The following NACC2 variants were observed in gnomAD, a reference collection of about 807,000 sequenced individuals.
NACC2 encodes the protein NACC family member 2.
In NACC2, 8 loss-of-function variants were observed where a neutral mutation model predicts 25.1. That is an observed-to-expected ratio of 0.32 (90% CI 0.19 to 0.57). The LOEUF (loss-of-function observed/expected upper bound fraction) is 0.57, where lower values mean the gene tolerates loss of function less well. NACC2 is among the 20% of genes least tolerant of loss of function. The pLI is 0.89. For missense variants in NACC2, 644 were observed against 650.2 expected (o/e 0.99, Z 0.10); for synonymous variants, 435 against 294.7 (o/e 1.48, Z -4.88).
chr9:136,050,245 T>C lies in NACC2; in HGVS notation c.277A>G (p.Thr93Ala), dbSNP rs1840800688. 1 of 771,196 alleles carries C rather than the reference T, an allele frequency of 1.3e-6. No homozygotes were observed. 47.8% of individuals were successfully genotyped at this position (771,196 alleles called of 1,614,324 possible). The change falls in exon 2 of 6, where the codon ACG (threonine) becomes GCG (alanine). Residue 93 changes from threonine to alanine, a missense_variant. By Grantham distance (58) the Thr-to-Ala change is moderately conservative. Coordinates refer to ENST00000277554, the MANE Select transcript of NACC2 (RefSeq NM_144653.5). Reference sequence around the variant, plus strand: ...ATGACCACGAGCTGCTCGCTGGCCGTCATGGTGAGCCTGCCCGTGTAGCAG... The same window carrying C: ...ATGACCACGAGCTGCTCGCTGGCCGCCATGGTGAGCCTGCCCGTGTAGCAG... Reference protein sequence around the residue: ...SFCYTGRLTMTASEQLVVMYT... With the variant: ...SFCYTGRLTMAASEQLVVMYT...
chr9:136,045,010 T>C (rs1840699522), intron 2 of NACC2, among the ~76,000 whole-genome samples: 1 of 152,182 alleles, frequency 6.6e-6, no homozygotes, highest in Admixed American at 6.5e-5. Context: ...AGGACAGATG[T>C]GCTGCTGTGT....
chr9:136,081,949 G>T (rs1215939478), intron 1 of NACC2, among the ~76,000 whole-genome samples: 5 of 151,938 alleles, frequency 3.3e-5, no homozygotes, highest in Non-Finnish European at 5.9e-5. Flanking sequence ...CAGGGCTCCT[G>T]CAGAACTCAG....
Position 136,011,378 on chromosome 9 carries a change from C to T in NACC2, c.*138G>A. On this transcript the variant is annotated 3_prime_UTR_variant, in exon 6 of 6. Coordinates refer to ENST00000277554, the MANE Select transcript of NACC2 (RefSeq NM_144653.5). ...TTGTTTCCTTCATCAATTTTAAATA[C>T]AAGCAGAATAAAAATCACATTTTTC... The T allele has an allele frequency of 1.0e-6, 1 of 987,350 alleles. No individual in the cohort carries two copies. The highest frequency in any genetic ancestry group is 4.0e-5 in the South Asian group (1 of 25,042). The allele number at this position is 987,350 out of a possible 1,614,324, so 61.2% of individuals were successfully genotyped here.
chr9:136,070,999 G>A (rs1482219487), intron 1 of NACC2, among the ~76,000 whole-genome samples: 2 of 151,710 alleles, frequency 1.3e-5, no homozygotes, highest in Non-Finnish European at 2.9e-5. Flanking sequence ...GGAGGCTGAG[G>A]TAGGCGGATC....
chr9:136,094,629 G>T (rs1027600415), intron 1 of NACC2, among the ~76,000 whole-genome samples: 5 of 152,138 alleles, frequency 3.3e-5, no homozygotes, highest in East Asian at 1.9e-4. Flanking sequence ...GGGCCCGAGT[G>T]GGGGAGGCGC....
intron 2 of NACC2, among the ~76,000 whole-genome samples, chr9:136,047,405 C>T (rs1242498361): frequency 2.0e-5 from 3 of 152,200 alleles, no homozygotes; most frequent in Admixed American, 6.5e-5. Context: ...ATGGGCTTGC[C>T]GAACAGAAAA....
At chr9:136,074,022 T>C (rs10776877) in intron 1 of NACC2, among the ~76,000 whole-genome samples, 105,201 of 151,988 alleles carry the variant, frequency 0.69, 37,846 homozygotes, top group East Asian at 0.94. Context: ...AATTAAGATC[T>C]TGGCCGGGCA....
intron 1 of NACC2, among the ~76,000 whole-genome samples, chr9:136,094,428 G>A (rs1456531576): frequency 1.3e-5 from 2 of 152,224 alleles, no homozygotes; most frequent in Non-Finnish European, 2.9e-5. Context: ...CCCAGCAAGA[G>A]AAGCAGGAAA....
At chr9:136,045,806 G>A (rs1048207243) in intron 2 of NACC2, among the ~76,000 whole-genome samples, 1 of 152,190 alleles carries the variant, frequency 6.6e-6, no homozygotes, top group African/African-American at 2.4e-5. Flanking sequence ...TGCCATGACC[G>A]TCTCGGCTGT....
intron 1 of NACC2, among the ~76,000 whole-genome samples, chr9:136,077,196 T>G (rs1830272080): frequency 6.8e-6 from 1 of 146,486 alleles, no homozygotes; most frequent in South Asian, 2.1e-4. Context: ...CTGGGCGTGG[T>G]GGCGGGCGCC....
At chr9:136,017,682 G>C (rs1398191104) in intron 2 of NACC2, among the ~76,000 whole-genome samples, 1 of 152,216 alleles carries the variant, frequency 6.6e-6, no homozygotes, top group African/African-American at 2.4e-5. Flanking sequence ...ACCCCAGCCT[G>C]GTAGGCTGCC....
At chr9:136,048,470 T>A (rs1006282672) in intron 2 of NACC2, among the ~76,000 whole-genome samples, 4 of 152,208 alleles carry the variant, frequency 2.6e-5, no homozygotes, top group Non-Finnish European at 4.4e-5. Flanking sequence ...CCCTACCCCC[T>A]ACCACTAAAA....
rs1402087441 is a variant in NACC2, at chr9:136,011,854, T to TGGC, written c.1423_1425dup (p.Ala475dup). On this transcript the variant is annotated inframe_insertion, in exon 6 of 6. Coordinates refer to ENST00000277554, the MANE Select transcript of NACC2 (RefSeq NM_144653.5). ...GGGAACTCGGGGTCGAGGGGCACGC[T>TGGC]GGCGGCGGCGGAGCCCATGACCGTG... 1 of 1,562,988 alleles carries TGGC rather than the reference T, an allele frequency of 6.4e-7. No individual in the cohort carries two copies. Among genetic ancestry groups the TGGC allele is most frequent in the South Asian group, 1.2e-5 (1 of 86,132 alleles).
At position 136,071,757 on chromosome 9, in the gene NACC2, G is replaced by C. The variant is rs1294666676; in HGVS notation, c.-59-21177C>G. Among the ~76,000 whole-genome samples, 8 of 152,198 alleles carry C rather than the reference G, an allele frequency of 5.3e-5. No homozygotes were observed. The East Asian group carries it at 1.5e-3, about 29-fold the overall frequency. On this transcript the variant is annotated intron_variant, in intron 1 of 5. Coordinates refer to ENST00000277554, the MANE Select transcript of NACC2 (RefSeq NM_144653.5). ...GTATGGACAGAGGGACAGACATATGGATCAATGGAACAGAATTTAAAAAAC... is the reference window on the plus strand; with the variant it reads ...GTATGGACAGAGGGACAGACATATGCATCAATGGAACAGAATTTAAAAAAC...
At chr9:136,077,859 C>T (rs1830279366) in intron 1 of NACC2, among the ~76,000 whole-genome samples, 1 of 152,224 alleles carries the variant, frequency 6.6e-6, no homozygotes, top group African/African-American at 2.4e-5. Flanking sequence ...CTGACTTGTG[C>T]TTTATACGCA....
rs1476433834 is a variant in NACC2 at position 136,022,296 on chromosome 9, C to T, written c.887-5867G>A. On this transcript the variant is annotated intron_variant, in intron 2 of 5. Coordinates refer to ENST00000277554, the MANE Select transcript of NACC2 (RefSeq NM_144653.5). The surrounding 1 kb of genome is among the most constrained non-coding windows in gnomAD (Gnocchi z 4.4). ...CGGGTGCCCCACATGCAGTGGGCCT[C>T]GGGGAGATGACCACACTCTCCACAT... is the stretch of plus-strand genomic sequence containing the variant. 6.6e-6 allele frequency among the ~76,000 whole-genome samples: 1 copy of T among 152,162 alleles called. No homozygotes were observed. The highest frequency in any genetic ancestry group is 1.5e-5 in the Non-Finnish European group (1 of 68,014).
At position 136,007,160 on chromosome 9, in the gene NACC2, C is replaced by T. The variant is rs1840025516; in HGVS notation, c.*4356G>A. 1 of 154,376 alleles carries T rather than the reference C, an allele frequency of 6.5e-6. No individual in the cohort carries two copies. Among genetic ancestry groups the T allele is most frequent in the Non-Finnish European group, 1.5e-5 (1 of 68,208 alleles). 9.6% of individuals were successfully genotyped at this position (154,376 alleles called of 1,614,324 possible). A position where few individuals can be genotyped will look rare whatever the true frequency, so the allele number is the denominator to read the frequency against. Reference sequence around the variant, plus strand: ...ATAAAAATCACAATCGTGTACGATGCTAACAATGGAAGCGACTGATCGGAA... The same window carrying T: ...ATAAAAATCACAATCGTGTACGATGTTAACAATGGAAGCGACTGATCGGAA... On this transcript the variant is annotated 3_prime_UTR_variant, in exon 6 of 6. Transcript: ENST00000277554.
At chr9:136,082,779 G>A (rs905609904) in intron 1 of NACC2, among the ~76,000 whole-genome samples, 2 of 152,226 alleles carry the variant, frequency 1.3e-5, no homozygotes, top group African/African-American at 4.8e-5. Context: ...GCTGGCTCTT[G>A]GCCAGCGGAT....
chr9:136,046,130 G>A (rs1222794449), intron 2 of NACC2, among the ~76,000 whole-genome samples: 6 of 152,216 alleles, frequency 3.9e-5, no homozygotes, highest in Admixed American at 6.5e-5. Context: ...CCCTCTGCCC[G>A]GCCCACCTCC....
Sources: allele counts gnomAD v4.1 joint callset (sites outside exome capture counted in the v4.1 genomes callset), GRCh38; gene constraint gnomAD v4.1.1; non-coding constraint Gnocchi (gnomAD v3.1); transcripts MANE v1.5; gene names NCBI Gene and HGNC (gene_info 2026-07-23, HGNC 2026-07-21).